EPHA6: variants seen among roughly 807,000 people sequenced by gnomAD.
EPHA6 encodes ephrin type-A receptor 6.
Under a neutral mutation model 112.0 loss-of-function variants are expected in EPHA6, and 50 were observed. The observed-to-expected ratio is 0.45, with a 90% confidence interval of 0.36 to 0.56. The LOEUF (loss-of-function observed/expected upper bound fraction) is 0.56. Among genes scored for constraint, EPHA6 ranks in the 20% least tolerant of loss-of-function variants. EPHA6 has a pLI of 0.00. For missense variants in EPHA6, 1,280 were observed against 1,417.4 expected (o/e 0.90, Z 1.56); for synonymous variants, 529 against 490.7 (o/e 1.08, Z -1.03).
chr3:97,217,521 G>A lies in EPHA6; in HGVS notation c.1115-8743G>A, dbSNP rs142115702. On this transcript the variant is annotated intron_variant, in intron 3 of 17. Transcript: ENST00000389672. ...TCAAATAGTAGTTTTTTACAAGACC[G>A]AGGTATGTGCTGCTTCCAAGAAACA... Among the ~76,000 whole-genome samples the A allele has an allele frequency of 9.8e-4, 149 of 152,232 alleles. 4 individuals carry two copies. Among genetic ancestry groups the A allele is most frequent in the Non-Finnish European group, 4.1e-4 (28 of 68,018 alleles).
At chr3:97,471,046 GAATGGAT>G (rs2091215227) in intron 7 of EPHA6, among the ~76,000 whole-genome samples, 1 of 151,680 alleles carries the variant, frequency 6.6e-6, no homozygotes, top group South Asian at 2.1e-4. Context: ...TGAAAAAACT[GAATGGAT>G]AATGCTATAG....
intron 14 of EPHA6, among the ~76,000 whole-genome samples, chr3:97,701,438 A>T (rs2033382869): frequency 6.6e-6 from 1 of 152,136 alleles, no homozygotes. Flanking sequence ...TTAATTACTA[A>T]GTTTCCTGAA....
At chr3:97,179,873 G>A (rs2108448300) in intron 3 of EPHA6, among the ~76,000 whole-genome samples, 1 of 151,982 alleles carries the variant, frequency 6.6e-6, no homozygotes, top group South Asian at 2.1e-4. Context: ...CTCACACAAG[G>A]CGTGCTGTAA....
At chr3:97,583,947 T>C (rs1272889887) in intron 11 of EPHA6, among the ~76,000 whole-genome samples, 1 of 152,198 alleles carries the variant, frequency 6.6e-6, no homozygotes, top group Non-Finnish European at 1.5e-5. Flanking sequence ...CATCACTTCT[T>C]AGATAAAAGA....
intron 5 of EPHA6, among the ~76,000 whole-genome samples, chr3:97,374,992 A>C (rs1249589270): frequency 6.6e-6 from 1 of 152,140 alleles, no homozygotes; most frequent in Admixed American, 6.5e-5. Flanking sequence ...AAAACCTACT[A>C]TGTGTCCAGC....
intron 3 of EPHA6, among the ~76,000 whole-genome samples, chr3:97,194,706 T>C (rs1406056768): frequency 6.6e-6 from 1 of 152,076 alleles, no homozygotes; most frequent in Non-Finnish European, 1.5e-5. Flanking sequence ...TTTTTCCCTC[T>C]CTAGCTCTAA....
At chr3:97,346,172 TA>T (rs1485320920) in intron 5 of EPHA6, among the ~76,000 whole-genome samples, 1 of 152,140 alleles carries the variant, frequency 6.6e-6, no homozygotes, top group Non-Finnish European at 1.5e-5. Context: ...GTAATCTTCC[TA>T]AAGTCCTTGT....
At chr3:97,717,573 C>T (rs541977649) in intron 14 of EPHA6, among the ~76,000 whole-genome samples, 1 of 152,276 alleles carries the variant, frequency 6.6e-6, no homozygotes, top group African/African-American at 2.4e-5. Context: ...GATACCTTTT[C>T]ATCTTCTTAT....
At chr3:97,378,816 A>T (rs1382847875) in intron 5 of EPHA6, among the ~76,000 whole-genome samples, 1 of 151,644 alleles carries the variant, frequency 6.6e-6, no homozygotes, top group Non-Finnish European at 1.5e-5. Flanking sequence ...CCCCCATTGT[A>T]TCTAGGAAGT....
chr3:97,169,021 G>A (rs2076618056), intron 3 of EPHA6, among the ~76,000 whole-genome samples: 1 of 152,152 alleles, frequency 6.6e-6, no homozygotes, highest in South Asian at 2.1e-4. Context: ...TACTTGTAGA[G>A]TGGCATCTTA....
At chr3:97,318,973 T>G (rs1250955070) in intron 5 of EPHA6, among the ~76,000 whole-genome samples, 1 of 151,804 alleles carries the variant, frequency 6.6e-6, no homozygotes, top group East Asian at 1.9e-4. Context: ...GAATAATAAA[T>G]AGAAAAGGGA....
At chr3:97,203,454 C>A (rs2108501544) in intron 3 of EPHA6, among the ~76,000 whole-genome samples, 1 of 152,078 alleles carries the variant, frequency 6.6e-6, no homozygotes. Context: ...AGAGAAGTTG[C>A]CACAAAACAA....
chr3:97,064,321 C>T (rs759258532), intron 3 of EPHA6, among the ~76,000 whole-genome samples: 26 of 152,100 alleles, frequency 1.7e-4, no homozygotes, highest in Non-Finnish European at 3.1e-4. Context: ...TACACGTGTG[C>T]TCCTGTCAGA....
At chr3:97,122,141 A>G (rs761846631) in intron 3 of EPHA6, among the ~76,000 whole-genome samples, 2 of 152,124 alleles carry the variant, frequency 1.3e-5, no homozygotes, top group Non-Finnish European at 1.5e-5. Flanking sequence ...TTTAAAATCT[A>G]GAATTACTAT....
chr3:97,619,694 G>A (rs1040434404), intron 13 of EPHA6, among the ~76,000 whole-genome samples: 2 of 151,904 alleles, frequency 1.3e-5, no homozygotes, highest in South Asian at 2.1e-4. Flanking sequence ...AAACACCTAG[G>A]AATACATCTA....
chr3:96,970,533 A>G (rs1475641207), intron 2 of EPHA6, among the ~76,000 whole-genome samples: 3 of 152,214 alleles, frequency 2.0e-5, no homozygotes, highest in Non-Finnish European at 4.4e-5. Flanking sequence ...TTACTTGAGC[A>G]GGAGTAGCTC....
rs564001720 is a variant in EPHA6, at chr3:96,885,546, G to A, written c.450+18657G>A. On this transcript the variant is annotated intron_variant, in intron 2 of 17. Transcript: ENST00000389672. ...TCATAATAGCCTTGAATGATCTTTT[G>A]TATTTCTGTGGTGTCAGTTGTGATA... 5.9e-5 allele frequency among the ~76,000 whole-genome samples: 9 copies of A among 152,072 alleles called. No homozygotes were observed. The South Asian group carries it at 8.3e-4, about 14-fold the overall frequency.
In EPHA6 at chr3:97,319,878, A is replaced by G. The variant is rs528672485; in HGVS notation, c.1606+75591A>G. On this transcript the variant is annotated intron_variant, in intron 5 of 17. Coordinates refer to ENST00000389672, the MANE Select transcript of EPHA6 (RefSeq NM_001080448.3). ...AATACTGAGTACAAAGTGCAACTCT[A>G]CTAGTTATGTCATAACTGTAGGGGT... Among the ~76,000 whole-genome samples the G allele has an allele frequency of 6.6e-5, 10 of 152,148 alleles. No individual in the cohort carries two copies. The East Asian group carries it at 1.7e-3, about 26-fold the overall frequency.
At chr3:97,178,389 C>T (rs1286402881) in intron 3 of EPHA6, among the ~76,000 whole-genome samples, 1 of 152,044 alleles carries the variant, frequency 6.6e-6, no homozygotes, top group African/African-American at 2.4e-5. Context: ...TTACACACCA[C>T]CATTGCAGTG....
Sources: allele counts gnomAD v4.1 joint callset (sites outside exome capture counted in the v4.1 genomes callset), GRCh38; gene constraint gnomAD v4.1.1; transcripts MANE v1.5; gene names NCBI Gene and HGNC (gene_info 2026-07-23, HGNC 2026-07-21).